Variants in MOSMO observed in about 807,000 individuals in gnomAD.
MOSMO encodes modulator of smoothened.
In MOSMO, 5 loss-of-function variants were observed where a neutral mutation model predicts 18.4. That is an observed-to-expected ratio of 0.27 (90% confidence interval 0.14 to 0.57). The LOEUF (loss-of-function observed/expected upper bound fraction) is 0.57, where lower values mean the gene tolerates loss of function less well. MOSMO is among the 20% of genes least tolerant of loss of function. MOSMO has a pLI of 0.92. For missense variants in MOSMO, 138 were observed against 211.8 expected, an observed-to-expected ratio of 0.65 and a Z score of 2.16; for synonymous variants, 82 against 82.3, an observed-to-expected ratio of 1.00 and a Z score of 0.02.
At chr16:22,022,289 C>T (rs534744971) in intron 1 of MOSMO, among the ~76,000 whole-genome samples, 21 of 152,060 alleles carry the variant, frequency 1.4e-4, no homozygotes, top group African/African-American at 4.8e-4. Context: ...TCCCAAAGTG[C>T]TGGGATTACA....
chr16:22,019,413 C>CT (rs1899707192), intron 1 of MOSMO, among the ~76,000 whole-genome samples: 2 of 152,240 alleles, frequency 1.3e-5, no homozygotes, highest in South Asian at 2.1e-4. Flanking sequence ...TTCATAAAAC[C>CT]TTTTTTGATC....
At chr16:22,027,047 A>G (rs1408031569) in intron 1 of MOSMO, among the ~76,000 whole-genome samples, 3 of 152,210 alleles carry the variant, frequency 2.0e-5, no homozygotes, top group South Asian at 4.1e-4. Context: ...TATGTAATAT[A>G]CTAGAGAAAT....
chr16:22,054,643 A>G (rs1260980573), intron 1 of MOSMO, among the ~76,000 whole-genome samples: 1 of 152,156 alleles, frequency 6.6e-6, no homozygotes, highest in Non-Finnish European at 1.5e-5. Flanking sequence ...AGTTCTCTTC[A>G]ATTCTTAGTA....
intron 1 of MOSMO, among the ~76,000 whole-genome samples, chr16:22,013,035 G>A (rs1445326927): frequency 6.6e-6 from 1 of 152,122 alleles, no homozygotes; most frequent in Non-Finnish European, 1.5e-5. Flanking sequence ...ATTAAATGTA[G>A]ATGAATACAG....
intron 1 of MOSMO, among the ~76,000 whole-genome samples, chr16:22,073,466 A>G (rs1008406107): frequency 6.6e-6 from 1 of 151,960 alleles, no homozygotes. Context: ...TCCTGTTAAG[A>G]GTTCTCGAGC....
chr16:22,029,158 C>T (rs756076730), intron 1 of MOSMO, among the ~76,000 whole-genome samples: 1 of 152,164 alleles, frequency 6.6e-6, no homozygotes, highest in Admixed American at 6.6e-5. Context: ...GTGTGAGCCA[C>T]CACGCCTGGC....
At chr16:22,092,019 A>T (rs1212865922), downstream of MOSMO, among the ~76,000 whole-genome samples, 1 of 152,174 alleles carries the variant, frequency 6.6e-6, no homozygotes, top group East Asian at 1.9e-4. Flanking sequence ...GGTGATTCTC[A>T]TGGGCATCCG....
At chr16:22,015,012 A>C (rs1899609354) in intron 1 of MOSMO, among the ~76,000 whole-genome samples, 1 of 152,178 alleles carries the variant, frequency 6.6e-6, no homozygotes, top group Non-Finnish European at 1.5e-5. Context: ...TATACAAATC[A>C]GTGGCTTTTA....
intron 1 of MOSMO, among the ~76,000 whole-genome samples, chr16:22,037,842 T>G (rs1314511669): frequency 1.3e-5 from 2 of 152,206 alleles, no homozygotes; most frequent in African/African-American, 4.8e-5. Context: ...GGAAGCTCCA[T>G]GTGTTTAGCT....
downstream of MOSMO, chr16:22,087,233 G>T (rs377474247): frequency 2.6e-5 from 4 of 152,148 alleles, no homozygotes; most frequent in East Asian, 3.8e-4. Flanking sequence ...CATTTGATAG[G>T]TTTTGCAAAG....
intron 1 of MOSMO, among the ~76,000 whole-genome samples, chr16:22,037,471 A>G (rs1215974288): frequency 6.6e-6 from 1 of 152,164 alleles, no homozygotes. Flanking sequence ...ATTCTACGGC[A>G]AGTATCAGCT....
intron 1 of MOSMO, among the ~76,000 whole-genome samples, chr16:22,031,207 G>T (rs1246816974): frequency 6.6e-6 from 1 of 152,160 alleles, no homozygotes; most frequent in Non-Finnish European, 1.5e-5. Context: ...AGCCTCAGAG[G>T]TTTAAAAGAA....
At chr16:22,057,757 A>G (rs1298307929) in intron 1 of MOSMO, among the ~76,000 whole-genome samples, 1 of 152,242 alleles carries the variant, frequency 6.6e-6, no homozygotes, top group East Asian at 1.9e-4. Flanking sequence ...TAGTTTTAAC[A>G]GGAACCTATT....
chr16:22,071,467 G>T (rs1008317784), intron 1 of MOSMO, among the ~76,000 whole-genome samples: 1 of 152,172 alleles, frequency 6.6e-6, no homozygotes, highest in Non-Finnish European at 1.5e-5. Context: ...GCTTTTACAT[G>T]TAGTGATGAC....
At chr16:22,092,102 G>T (rs1373548532), downstream of MOSMO, 1 of 152,582 alleles carries the variant, frequency 6.6e-6, no homozygotes, top group Admixed American at 6.5e-5. Context: ...TGTTAGCCAG[G>T]TTTAGGTGGG....
At chr16:22,073,077 C>A (rs1379640816) in intron 1 of MOSMO, among the ~76,000 whole-genome samples, 5 of 152,098 alleles carry the variant, frequency 3.3e-5, no homozygotes, top group Non-Finnish European at 7.4e-5. Context: ...AGGAGGAAAG[C>A]AATTCCACTC....
At chr16:22,062,216 C>T (rs1287715926) in intron 1 of MOSMO, among the ~76,000 whole-genome samples, 1 of 151,768 alleles carries the variant, frequency 6.6e-6, no homozygotes, top group African/African-American at 2.4e-5. Flanking sequence ...CTCAGAGGTA[C>T]TATGAGACAA....
intron 2 of MOSMO, among the ~76,000 whole-genome samples, chr16:22,079,613 A>G (rs1239123503): frequency 1.3e-5 from 2 of 152,170 alleles, no homozygotes; most frequent in Admixed American, 6.5e-5. Context: ...GCAAAACTCA[A>G]AGAAGGTTAC....
At chr16:22,057,205 G>A (rs770489357) in intron 1 of MOSMO, among the ~76,000 whole-genome samples, 1 of 152,188 alleles carries the variant, frequency 6.6e-6, no homozygotes, top group Non-Finnish European at 1.5e-5. Context: ...ATAAAGAGCA[G>A]AAATTATTTC....
Sources: gnomAD v4.1 joint callset for allele counts (sites outside exome capture counted in the v4.1 genomes callset) on GRCh38, gnomAD v4.1.1 for gene constraint, MANE v1.5 for transcripts, NCBI Gene and HGNC (gene_info 2026-07-23, HGNC 2026-07-21) for gene names.